Variants in CPNE4 observed in about 807,000 individuals in gnomAD.
CPNE4 encodes copine-4.
Under a neutral mutation model 67.9 loss-of-function variants are expected in CPNE4, and 25 were observed. That is an observed-to-expected ratio of 0.37 (90% confidence interval 0.27 to 0.51). The LOEUF is 0.51. CPNE4 is among the 20% of genes least tolerant of loss of function. CPNE4 has a pLI of 0.93. For synonymous variants in CPNE4, 242 were observed against 244.9 expected (o/e 0.99, Z 0.11); for missense variants, 464 against 690.8 (o/e 0.67, Z 3.68).
chr3:131,773,531 A>G (rs1450581734), intron 2 of CPNE4, among the ~76,000 whole-genome samples: 1 of 151,980 alleles, frequency 6.6e-6, no homozygotes, highest in Non-Finnish European at 1.5e-5. Flanking sequence ...TATTTTTAGT[A>G]CAGACAGGCT....
chr3:131,900,697 G>T (rs1298551346), intron 2 of CPNE4, among the ~76,000 whole-genome samples: 1 of 152,036 alleles, frequency 6.6e-6, no homozygotes, highest in Admixed American at 6.6e-5. Context: ...GCTATTATCA[G>T]CAGGAAATAA....
chr3:131,918,591 A>G (rs1583453590), intron 1 of CPNE4, among the ~76,000 whole-genome samples: 1 of 152,320 alleles, frequency 6.6e-6, no homozygotes, highest in East Asian at 1.9e-4. Context: ...AAATAAGCAA[A>G]AAAAACCACA....
In CPNE4 at chr3:131,535,216, A is replaced by G; in HGVS notation, c.1653T>C (p.Ser551=). ...GAGTTCATGGTGCTAGTGTTCTGGA[A>G]GATTCATACATTTCTGATGAACATT... ...KPKCSSEMYE[S]SRTLAP is the part of the protein sequence containing the mutation. Residue 551 remains serine, a synonymous_variant, in exon 16 of 16, where the codon TCT becomes TCC. Coordinates refer to ENST00000429747, the MANE Select transcript of CPNE4 (RefSeq NM_130808.3). 6.2e-7 allele frequency: 1 copy of G among 1,613,204 alleles called. No homozygotes were observed.
At chr3:131,673,489 T>C (rs975381640) in intron 6 of CPNE4, among the ~76,000 whole-genome samples, 2 of 152,104 alleles carry the variant, frequency 1.3e-5, no homozygotes, top group African/African-American at 2.4e-5. Context: ...TTCCATTGTA[T>C]TGTGTCCTCT....
intron 1 of CPNE4, among the ~76,000 whole-genome samples, chr3:131,998,961 C>T (rs2073361200): frequency 1.3e-5 from 2 of 151,976 alleles, no homozygotes; most frequent in East Asian, 3.9e-4. Flanking sequence ...ATGAGAAATG[C>T]TATGCAGCTA....
chr3:131,755,994 G>A (rs1439443939), intron 2 of CPNE4, among the ~76,000 whole-genome samples: 1 of 151,984 alleles, frequency 6.6e-6, no homozygotes. Context: ...AATTTCTCCT[G>A]ATCCATTTAT....
intron 1 of CPNE4, among the ~76,000 whole-genome samples, chr3:132,002,610 C>T (rs541470183): frequency 2.0e-5 from 3 of 152,172 alleles, no homozygotes; most frequent in East Asian, 1.9e-4. Flanking sequence ...AAATATGACG[C>T]AGGATTTATG....
At chr3:131,687,270 C>G (rs1231186641) in intron 5 of CPNE4, among the ~76,000 whole-genome samples, 1 of 152,118 alleles carries the variant, frequency 6.6e-6, no homozygotes, top group African/African-American at 2.4e-5. Flanking sequence ...GATTTTTACC[C>G]CCAGTAGATT....
At chr3:131,935,662 G>A (rs1006553267) in intron 1 of CPNE4, among the ~76,000 whole-genome samples, 1 of 152,118 alleles carries the variant, frequency 6.6e-6, no homozygotes, top group African/African-American at 2.4e-5. Flanking sequence ...TGTATGACCA[G>A]AAGATTCAGG....
chr3:131,932,506 T>G (rs1384383947), intron 1 of CPNE4, among the ~76,000 whole-genome samples: 1 of 151,996 alleles, frequency 6.6e-6, no homozygotes, highest in Non-Finnish European at 1.5e-5. Context: ...TATACCTACA[T>G]AACTGGATAA....
intron 1 of CPNE4, among the ~76,000 whole-genome samples, chr3:131,953,239 T>TAAA (rs1167094357): frequency 1.8e-4 from 17 of 97,110 alleles, no homozygotes; most frequent in Non-Finnish European, 2.3e-4. Flanking sequence ...AATGATCAAT[T>TAAA]AAAAAAAAAA....
At chr3:131,714,446 T>C (rs1164380564) in intron 3 of CPNE4, among the ~76,000 whole-genome samples, 2 of 152,208 alleles carry the variant, frequency 1.3e-5, no homozygotes, top group Non-Finnish European at 2.9e-5. Flanking sequence ...CTGTGTACAT[T>C]GGCCTTTTTG....
intron 3 of CPNE4, among the ~76,000 whole-genome samples, chr3:131,705,935 G>A (rs1335422619): frequency 2.0e-5 from 3 of 152,120 alleles, no homozygotes; most frequent in Non-Finnish European, 4.4e-5. Context: ...ATTAGTCAGA[G>A]GCCATCTGCC....
intron 2 of CPNE4, among the ~76,000 whole-genome samples, chr3:131,897,639 T>C (rs571811913): frequency 6.6e-6 from 1 of 152,290 alleles, no homozygotes; most frequent in South Asian, 2.1e-4. Context: ...CTCACACCTG[T>C]AATCCCAGCA....
chr3:131,798,748 T>C (rs2083990841), intron 2 of CPNE4, among the ~76,000 whole-genome samples: 1 of 152,196 alleles, frequency 6.6e-6, no homozygotes, highest in Non-Finnish European at 1.5e-5. Flanking sequence ...TCTTCTCTTC[T>C]CAGCCTGATC....
intron 2 of CPNE4, among the ~76,000 whole-genome samples, chr3:131,804,288 C>T (rs1177135418): frequency 6.6e-6 from 1 of 151,898 alleles, no homozygotes; most frequent in Admixed American, 6.6e-5. Context: ...ATTTCAGACA[C>T]AAGAAATTGG....
chr3:131,809,120 C>A (rs1220778846), intron 2 of CPNE4, among the ~76,000 whole-genome samples: 1 of 152,100 alleles, frequency 6.6e-6, no homozygotes, highest in Non-Finnish European at 1.5e-5. Context: ...GGCTGCTAAT[C>A]AGCTGAACTT....
At chr3:131,547,969 T>C (rs1935965235) in intron 14 of CPNE4, among the ~76,000 whole-genome samples, 1 of 152,228 alleles carries the variant, frequency 6.6e-6, no homozygotes, top group African/African-American at 2.4e-5. Context: ...GCTTCAAACT[T>C]CCTATTCCCT....
At chr3:131,562,456 AT>A (rs751093028) in intron 11 of CPNE4, among the ~76,000 whole-genome samples, 1 of 152,004 alleles carries the variant, frequency 6.6e-6, no homozygotes, top group Non-Finnish European at 1.5e-5. Context: ...TTAATTAAGC[AT>A]CTACTGTTTG....
Sources: gnomAD v4.1 joint callset for allele counts (sites outside exome capture counted in the v4.1 genomes callset) on GRCh38, gnomAD v4.1.1 for gene constraint, MANE v1.5 for transcripts, NCBI Gene and HGNC (gene_info 2026-07-23, HGNC 2026-07-21) for gene names.